The following NEGR1 variants were observed in gnomAD, a reference collection of about 807,000 sequenced individuals.
NEGR1 encodes neuronal growth regulator 1.
In NEGR1, 10 loss-of-function variants were observed where a neutral mutation model predicts 40.9. The ratio of observed to expected loss-of-function variants is 0.24; its 90% confidence interval spans 0.15 to 0.42. NEGR1 has a LOEUF of 0.42. NEGR1 is among the 10% of genes least tolerant of loss of function. NEGR1 has a pLI of 1.00. For synonymous variants in NEGR1, 185 were observed against 166.8 expected (o/e 1.11, Z -0.84); for missense variants, 352 against 438.9 (o/e 0.80, Z 1.77).
intron 2 of NEGR1, among the ~76,000 whole-genome samples, chr1:71,923,112 T>A (rs1270129897): frequency 6.6e-6 from 1 of 152,174 alleles, no homozygotes; most frequent in Non-Finnish European, 1.5e-5. Context: ...TTTCAGCCCC[T>A]TTTATATGCA....
At chr1:71,441,233 T>C (rs542238225) in intron 6 of NEGR1, among the ~76,000 whole-genome samples, 1 of 152,352 alleles carries the variant, frequency 6.6e-6, no homozygotes, top group East Asian at 1.9e-4. Context: ...TCAACTGATG[T>C]GAAATTAGTG....
chr1:71,758,978 A>C (rs572707524), intron 3 of NEGR1, among the ~76,000 whole-genome samples: 2 of 152,346 alleles, frequency 1.3e-5, no homozygotes, highest in East Asian at 3.9e-4. Context: ...ACTTGTATTC[A>C]AATTAACATC....
intron 1 of NEGR1, among the ~76,000 whole-genome samples, chr1:72,118,501 G>A (rs1486096): frequency 0.42 from 62,994 of 151,572 alleles, 14,298 homozygotes; most frequent in Admixed American, 0.55. Flanking sequence ...TGTGGCTCAA[G>A]TGGCAATAAT....
chr1:71,791,377 G>A (rs148309424), intron 2 of NEGR1, among the ~76,000 whole-genome samples: 6 of 151,900 alleles, frequency 3.9e-5, no homozygotes, highest in Admixed American at 1.3e-4. Flanking sequence ...TGGTAGAAAT[G>A]GTCTGCTACT....
At chr1:72,001,266 T>G (rs1427973522) in intron 1 of NEGR1, among the ~76,000 whole-genome samples, 1 of 151,982 alleles carries the variant, frequency 6.6e-6, no homozygotes, top group Non-Finnish European at 1.5e-5. Context: ...TTATTAAACT[T>G]CTGCTCTAAC....
chr1:72,220,567 G>A (rs942416166), intron 1 of NEGR1, among the ~76,000 whole-genome samples: 3 of 151,936 alleles, frequency 2.0e-5, no homozygotes, highest in East Asian at 1.9e-4. Flanking sequence ...TATGCATATC[G>A]GTAATATGAA....
At chr1:72,011,802 C>A (rs1025059658) in intron 1 of NEGR1, among the ~76,000 whole-genome samples, 4 of 152,024 alleles carry the variant, frequency 2.6e-5, no homozygotes, top group African/African-American at 4.8e-5. Context: ...GGAGTAGCTG[C>A]CTAGAAGAAC....
chr1:71,738,715 C>T (rs1313844454), intron 3 of NEGR1, among the ~76,000 whole-genome samples: 1 of 152,058 alleles, frequency 6.6e-6, no homozygotes, highest in Non-Finnish European at 1.5e-5. Context: ...GGGAACACAG[C>T]TCTCTGCTGG....
chr1:71,753,614 G>A (rs1020431744), intron 3 of NEGR1, among the ~76,000 whole-genome samples: 2 of 151,980 alleles, frequency 1.3e-5, no homozygotes, highest in East Asian at 1.9e-4. Context: ...TTCTGCCTGG[G>A]GATTGTTAAC....
chr1:71,751,712 T>G (rs968693388), intron 3 of NEGR1, among the ~76,000 whole-genome samples: 4 of 151,764 alleles, frequency 2.6e-5, no homozygotes, highest in African/African-American at 9.7e-5. Context: ...CCAAGCTACC[T>G]TTCCAAAAAA....
chr1:71,942,973 TATAA>T (rs927597605), intron 1 of NEGR1, among the ~76,000 whole-genome samples: 3 of 144,212 alleles, frequency 2.1e-5, no homozygotes, highest in Non-Finnish European at 3.0e-5. Flanking sequence ...TATATATATA[TATAA>T]GTATATATGT....
chr1:72,276,945 A>G (rs989459606), intron 1 of NEGR1, among the ~76,000 whole-genome samples: 7 of 152,164 alleles, frequency 4.6e-5, no homozygotes, highest in Admixed American at 2.0e-4. Flanking sequence ...GGAAGCCACT[A>G]CTACTCCTAG....
At chr1:72,102,397 C>A (rs1648981749) in intron 1 of NEGR1, among the ~76,000 whole-genome samples, 1 of 151,868 alleles carries the variant, frequency 6.6e-6, no homozygotes, top group African/African-American at 2.4e-5. Flanking sequence ...GCCAATTTAG[C>A]ATAAATACTG....
At chr1:71,419,559 T>C (rs1646379686) in intron 6 of NEGR1, among the ~76,000 whole-genome samples, 2 of 152,200 alleles carry the variant, frequency 1.3e-5, no homozygotes, top group South Asian at 4.1e-4. Flanking sequence ...CTGTTTTTTT[T>C]CCTCATAGAT....
intron 2 of NEGR1, among the ~76,000 whole-genome samples, chr1:71,826,241 CTCTG>C (rs2101783986): frequency 6.6e-6 from 1 of 152,032 alleles, no homozygotes; most frequent in East Asian, 2.0e-4. Context: ...TGTCACTCTG[CTCTG>C]TCTTTCCCTA....
chr1:71,459,576 T>C (rs897306199), intron 6 of NEGR1, among the ~76,000 whole-genome samples: 1 of 152,154 alleles, frequency 6.6e-6, no homozygotes, highest in Non-Finnish European at 1.5e-5. Flanking sequence ...ATTTAAGCTT[T>C]TTTTTACCTT....
intron 2 of NEGR1, among the ~76,000 whole-genome samples, chr1:71,787,842 C>T (rs969143365): frequency 1.3e-5 from 2 of 152,156 alleles, no homozygotes; most frequent in Non-Finnish European, 2.9e-5. Context: ...TTGGCAAGGC[C>T]TTCAGACTAT....
At chr1:71,815,838 A>G (rs1013947036) in intron 2 of NEGR1, among the ~76,000 whole-genome samples, 7 of 151,984 alleles carry the variant, frequency 4.6e-5, no homozygotes, top group African/African-American at 1.7e-4. Flanking sequence ...TTTTACTTAT[A>G]ATTTTCCCTA....
At chr1:72,071,043 C>A (rs1266757736) in intron 1 of NEGR1, among the ~76,000 whole-genome samples, 1 of 151,858 alleles carries the variant, frequency 6.6e-6, no homozygotes, top group Non-Finnish European at 1.5e-5. Flanking sequence ...TTTTTATTAA[C>A]AACTAGAGAA....
Sources: gnomAD v4.1 joint callset for allele counts (sites outside exome capture counted in the v4.1 genomes callset) on GRCh38, gnomAD v4.1.1 for gene constraint, MANE v1.5 for transcripts, NCBI Gene and HGNC (gene_info 2026-07-23, HGNC 2026-07-21) for gene names.